Variants in FAM193A observed in about 807,000 individuals in gnomAD.
The protein encoded by FAM193A is protein FAM193A.
A neutral mutation model predicts 126.5 loss-of-function variants in FAM193A; 22 were observed. The ratio of observed to expected loss-of-function variants is 0.17; its 90% confidence interval spans 0.12 to 0.25. FAM193A has a LOEUF of 0.25. Among genes scored for constraint, FAM193A ranks in the 10% least tolerant of loss-of-function variants. The pLI is 1.00. For missense variants in FAM193A, 1,675 were observed against 1,672.8 expected, an observed-to-expected ratio of 1.00 and a Z score of -0.02; for synonymous variants, 761 against 646.8, an observed-to-expected ratio of 1.18 and a Z score of -2.68.
chr4:2,582,509 C>G (rs186120112), intron 1 of FAM193A, among the ~76,000 whole-genome samples: 1 of 152,036 alleles, frequency 6.6e-6, no homozygotes, highest in East Asian at 1.9e-4. Context: ...GTCTTAGTTG[C>G]GCATGACTTT....
At chr4:2,630,089 A>C (rs1743406207) in intron 4 of FAM193A, among the ~76,000 whole-genome samples, 1 of 150,894 alleles carries the variant, frequency 6.6e-6, no homozygotes, top group South Asian at 2.1e-4. Flanking sequence ...CCGAGATCAC[A>C]CCATTGCACT....
chr4:2,655,219 G>T (rs1222423584), intron 7 of FAM193A: 1 of 527,178 alleles, frequency 1.9e-6, no homozygotes, highest in Non-Finnish European at 3.4e-6. Context: ...ATTTCTAGTT[G>T]ATTTAGGCTA....
At chr4:2,730,738 C>G (rs530103291) in intron 20 of FAM193A, among the ~76,000 whole-genome samples, 11 of 148,026 alleles carry the variant, frequency 7.4e-5, no homozygotes, top group African/African-American at 2.3e-4. Context: ...ACAAAAAATA[C>G]AAAAATTAGC....
At chr4:2,588,810 G>T (rs1740371457) in intron 1 of FAM193A, among the ~76,000 whole-genome samples, 1 of 152,186 alleles carries the variant, frequency 6.6e-6, no homozygotes, top group Non-Finnish European at 1.5e-5. Context: ...TTCAGAGATT[G>T]AAGGGTTACA....
chr4:2,710,491 CCTTT>C (rs1305448717), intron 19 of FAM193A, among the ~76,000 whole-genome samples: 6 of 149,382 alleles, frequency 4.0e-5, no homozygotes, highest in South Asian at 2.1e-4. Flanking sequence ...TTCTTTACCT[CCTTT>C]CTTTCTTTTT....
chr4:2,676,785 A>T (rs1388271047), intron 13 of FAM193A, among the ~76,000 whole-genome samples: 2 of 151,980 alleles, frequency 1.3e-5, no homozygotes, highest in African/African-American at 4.8e-5. Flanking sequence ...TACTAAAAAT[A>T]AAAAAATTAG....
At chr4:2,643,162 G>A (rs977553188) in intron 6 of FAM193A, among the ~76,000 whole-genome samples, 6 of 152,148 alleles carry the variant, frequency 3.9e-5, no homozygotes, top group African/African-American at 9.7e-5. Context: ...CAGCACTGAC[G>A]ACGCCAGGAC....
At chr4:2,545,016 G>C (rs1215354744) in intron 1 of FAM193A, among the ~76,000 whole-genome samples, 1 of 149,852 alleles carries the variant, frequency 6.7e-6, no homozygotes, top group Non-Finnish European at 1.5e-5. Flanking sequence ...TTTTTGAGAC[G>C]GAGTCTCCCT....
Position 2,631,146 on chromosome 4 carries a change from A to G in FAM193A, c.1015A>G (p.Ile339Val), listed in dbSNP as rs775355104. 6.8e-6 allele frequency: 11 copies of G among 1,611,894 alleles called. No individual in the cohort carries two copies. Among genetic ancestry groups the G allele is most frequent in the Non-Finnish European group, 9.3e-6 (11 of 1,178,948 alleles). ...CGCCCTCTGCCAGGCCGCACGCTCC[A>G]TCAGCACCTTCCTTGGCACTCTGGT... ...YGALCQAARS[I>V]STFLGTLENE... is the part of the protein sequence containing the mutation. Residue 339 changes from isoleucine (I) to valine (V), a missense_variant, in exon 5 of 21, where the codon ATC (isoleucine) becomes GTC (valine). Transcript: ENST00000637812.
At chr4:2,554,661 G>T (rs557629370) in intron 1 of FAM193A, among the ~76,000 whole-genome samples, 7 of 152,068 alleles carry the variant, frequency 4.6e-5, no homozygotes, top group Non-Finnish European at 1.0e-4. Flanking sequence ...TTTGATTGCT[G>T]AAAGAGGAAT....
chr4:2,668,440 G>A (rs1489549028), intron 12 of FAM193A, among the ~76,000 whole-genome samples: 1 of 151,772 alleles, frequency 6.6e-6, no homozygotes, highest in African/African-American at 2.4e-5. Flanking sequence ...TCTCTAACTG[G>A]CCTCAAGTGA....
At chr4:2,725,713 CTTT>C (rs869232598) in intron 20 of FAM193A, among the ~76,000 whole-genome samples, 3 of 140,238 alleles carry the variant, frequency 2.1e-5, no homozygotes, top group Non-Finnish European at 4.7e-5. Flanking sequence ...TTCTTGACAA[CTTT>C]TTTTTTTTTT....
intron 7 of FAM193A, among the ~76,000 whole-genome samples, chr4:2,648,385 G>T (rs908353200): frequency 1.3e-4 from 20 of 152,240 alleles, no homozygotes; most frequent in African/African-American, 4.8e-4. Flanking sequence ...TTGGTCCTGG[G>T]AGACTCCCTC....
intron 20 of FAM193A, among the ~76,000 whole-genome samples, chr4:2,716,885 A>G (rs1188990463): frequency 6.6e-6 from 1 of 152,150 alleles, no homozygotes; most frequent in African/African-American, 2.4e-5. Flanking sequence ...CGTGGTTACC[A>G]GACTGGTCTC....
At chr4:2,590,998 G>A (rs1490690534) in intron 1 of FAM193A, among the ~76,000 whole-genome samples, 1 of 151,544 alleles carries the variant, frequency 6.6e-6, no homozygotes, top group African/African-American at 2.4e-5. Flanking sequence ...CTACACCCCA[G>A]CCTGGGTCAC....
intron 19 of FAM193A, among the ~76,000 whole-genome samples, chr4:2,701,493 C>T (rs760374704): frequency 1.3e-5 from 2 of 152,160 alleles, no homozygotes; most frequent in South Asian, 2.1e-4. Context: ...GGTTCAGATA[C>T]CATGTTTTGG....
intron 12 of FAM193A, among the ~76,000 whole-genome samples, chr4:2,667,637 T>C (rs955383131): frequency 6.6e-6 from 1 of 152,236 alleles, no homozygotes; most frequent in Non-Finnish European, 1.5e-5. Context: ...ACTGTGTACA[T>C]GTATTTTTTC....
chr4:2,684,769 T>G (rs1715541091), intron 13 of FAM193A, among the ~76,000 whole-genome samples: 1 of 152,222 alleles, frequency 6.6e-6, no homozygotes, highest in African/African-American at 2.4e-5. Context: ...CATGACCTCC[T>G]GATACTTCTT....
intron 12 of FAM193A, among the ~76,000 whole-genome samples, chr4:2,668,643 A>G (rs1344389322): frequency 6.6e-6 from 1 of 152,206 alleles, no homozygotes; most frequent in South Asian, 2.1e-4. Context: ...TCCTATATAT[A>G]ATTACATTTG....
Sources: gnomAD v4.1 joint callset for allele counts (sites outside exome capture counted in the v4.1 genomes callset) on GRCh38, gnomAD v4.1.1 for gene constraint, MANE v1.5 for transcripts, NCBI Gene and HGNC (gene_info 2026-07-23, HGNC 2026-07-21) for gene names.